Variants in COL4A2 observed in about 807,000 individuals in gnomAD.
COL4A2 encodes collagen alpha-2(IV) chain.
COL4A2 carries 99 observed loss-of-function variants against 200.2 expected under a neutral mutation model. The observed-to-expected ratio is 0.49, with a 90% CI of 0.42 to 0.58. The LOEUF (loss-of-function observed/expected upper bound fraction) is 0.58, where lower values mean the gene tolerates loss of function less well. Ranked by LOEUF, COL4A2 falls within the 20% of genes least tolerant of loss-of-function variation. The pLI is 0.00. For synonymous variants in COL4A2, 897 were observed against 900.6 expected (o/e 1.00, Z 0.07); for missense variants, 1,950 against 2,314.1 (o/e 0.84, Z 3.23).
chr13:110,412,141 C>G (rs926557272), intron 4 of COL4A2, among the ~76,000 whole-genome samples: 3 of 152,216 alleles, frequency 2.0e-5, no homozygotes, highest in Non-Finnish European at 2.9e-5. Context: ...TTCCTTTAAG[C>G]AAGTCAAAGG....
chr13:110,495,761 A>G (rs1156441821), intron 40 of COL4A2, among the ~76,000 whole-genome samples: 1 of 152,194 alleles, frequency 6.6e-6, no homozygotes, highest in East Asian at 1.9e-4. Flanking sequence ...GGGCACTGGC[A>G]CAGGCCTTGC....
chr13:110,311,592 T>G (rs1246817493), intron 3 of COL4A2, among the ~76,000 whole-genome samples: 1 of 152,124 alleles, frequency 6.6e-6, no homozygotes, highest in Non-Finnish European at 1.5e-5. Context: ...TGAAGCGCCT[T>G]GGAGGGTCTG....
chr13:110,343,190 A>C (rs1315743278), intron 3 of COL4A2, among the ~76,000 whole-genome samples: 2 of 152,100 alleles, frequency 1.3e-5, no homozygotes, highest in Non-Finnish European at 1.5e-5. Context: ...CCAACAACCT[A>C]GTGAGGGGCA....
chr13:110,500,805 GCACT>G (rs1452673718), intron 40 of COL4A2, among the ~76,000 whole-genome samples: 2 of 152,198 alleles, frequency 1.3e-5, no homozygotes, highest in Non-Finnish European at 2.9e-5. Context: ...CAGTCAACAT[GCACT>G]CACTCGTGCC....
At chr13:110,436,703 G>A (rs1272756266) in intron 13 of COL4A2, among the ~76,000 whole-genome samples, 1 of 152,138 alleles carries the variant, frequency 6.6e-6, no homozygotes, top group Non-Finnish European at 1.5e-5. Flanking sequence ...CCAGAATCAT[G>A]GAACTGTCTA....
chr13:110,511,756 G>T (rs1331740524), intron 47 of COL4A2, among the ~76,000 whole-genome samples, 178 bp from the exon 48 acceptor site: 2 of 152,170 alleles, frequency 1.3e-5, no homozygotes, highest in Non-Finnish European at 2.9e-5. Context: ...GGGGGCCCAT[G>T]TGTATTTCAC....
chr13:110,482,275 G>A (rs946397448), intron 31 of COL4A2, among the ~76,000 whole-genome samples: 1 of 152,220 alleles, frequency 6.6e-6, no homozygotes. Context: ...CCTGATCTTT[G>A]TGTGTTTCCT....
Position 110,509,266 on chromosome 13 carries a change from TATATACAC to T in COL4A2, c.4881+1047_4881+1054del, listed in dbSNP as rs1392888672. Among the ~76,000 whole-genome samples the T allele has an allele frequency of 6.7e-4, 79 of 118,280 alleles. 1 individual carries two copies. The South Asian group carries it at 0.012, about 18-fold the overall frequency. The allele number at this position is 118,280 out of a possible 152,430, so 77.6% of individuals were successfully genotyped here. On this transcript the variant is annotated intron_variant, in intron 47 of 47. Coordinates refer to ENST00000360467, the MANE Select transcript of COL4A2 (RefSeq NM_001846.4). Reference sequence around the variant, plus strand: ...TAAATTATATATATATATATATATATATATACACACACACACACACACACACACACAAC... The same window carrying T: ...TAAATTATATATATATATATATATATACACACACACACACACACACACAAC...
chr13:110,504,031 T>C, intron 44 of COL4A2, 38 bp downstream of exon 44: 1 of 1,559,570 alleles, frequency 6.4e-7, no homozygotes. Flanking sequence ...CCCTCGGGGC[T>C]GCCCGGGCAA....
intron 4 of COL4A2, among the ~76,000 whole-genome samples, chr13:110,418,662 A>G (rs757296982): frequency 2.0e-5 from 3 of 152,254 alleles, no homozygotes; most frequent in Non-Finnish European, 4.4e-5. Flanking sequence ...TCTACCTCAT[A>G]TAACTGAAAT....
intron 9 of COL4A2, 41 bp downstream of exon 9, chr13:110,430,477 T>A: frequency 6.2e-7 from 1 of 1,614,128 alleles, no homozygotes; most frequent in Non-Finnish European, 8.5e-7. Context: ...AACAAAAGTT[T>A]AAGAGCTTCA....
intron 4 of COL4A2, among the ~76,000 whole-genome samples, chr13:110,362,588 T>C (rs1240038972): frequency 6.6e-6 from 1 of 152,154 alleles, no homozygotes; most frequent in Non-Finnish European, 1.5e-5. Context: ...CCCAAACTTC[T>C]GGGATTACAG....
At chr13:110,451,251 G>A (rs9521770) in intron 20 of COL4A2, among the ~76,000 whole-genome samples, 101,166 of 152,168 alleles carry the variant, frequency 0.66, 34,233 homozygotes, top group Middle Eastern at 0.77. Flanking sequence ...CATTCAGAGA[G>A]TTATGCTTTA....
chr13:110,365,909 G>A (rs1432849886), intron 4 of COL4A2, among the ~76,000 whole-genome samples: 45 of 152,202 alleles, frequency 3.0e-4, no homozygotes, highest in Admixed American at 2.9e-3. Flanking sequence ...AGATTGACAA[G>A]TTAGCTGGGA....
At chr13:110,472,114 T>TC (rs1387610547) in intron 28 of COL4A2, among the ~76,000 whole-genome samples, 2 of 1,566 alleles carry the variant, frequency 1.3e-3, no homozygotes, top group African/African-American at 1.5e-3. Context: ...TTCTTTTTTC[T>TC]TTTTATTTTT....
At chr13:110,375,235 CT>C (rs1878186548) in intron 4 of COL4A2, among the ~76,000 whole-genome samples, 1 of 152,246 alleles carries the variant, frequency 6.6e-6, no homozygotes, top group East Asian at 1.9e-4. Flanking sequence ...CCATGTTCCC[CT>C]TTGCCGTCGA....
chr13:110,462,024 G>A, intron 22 of COL4A2, 90 bp from the exon 23 acceptor site: 1 of 1,555,816 alleles, frequency 6.4e-7, no homozygotes, highest in African/African-American at 1.4e-5. Context: ...CTGCCTGCCA[G>A]CTGTGTGAGA....
chr13:110,481,292 GT>G (rs1442414194), intron 31 of COL4A2, among the ~76,000 whole-genome samples: 2 of 14,212 alleles, frequency 1.4e-4, no homozygotes, highest in Admixed American at 8.0e-4. Flanking sequence ...CTGTCCTTCC[GT>G]TGCTGGAGAC....
intron 16 of COL4A2, among the ~76,000 whole-genome samples, chr13:110,443,244 TA>T (rs1419228098): frequency 1.3e-5 from 2 of 152,220 alleles, no homozygotes; most frequent in East Asian, 3.8e-4. Flanking sequence ...GCGTTCTATT[TA>T]GCCTAACAGG....
Sources: gnomAD v4.1 joint callset for allele counts (sites outside exome capture counted in the v4.1 genomes callset) on GRCh38, gnomAD v4.1.1 for gene constraint, MANE v1.5 for transcripts, NCBI Gene and HGNC (gene_info 2026-07-23, HGNC 2026-07-21) for gene names.